Variants in CTBP2 observed in about 807,000 individuals in gnomAD.
CTBP2 encodes C-terminal binding protein 2.
Under a neutral mutation model 80.3 loss-of-function variants are expected in CTBP2, and 30 were observed. That is an observed-to-expected ratio of 0.37 (90% confidence interval 0.28 to 0.51). The LOEUF is 0.51. Among genes scored for constraint, CTBP2 ranks in the 20% least tolerant of loss-of-function variants. The pLI, the probability that CTBP2 is intolerant of heterozygous loss-of-function variation, is 0.93. For synonymous variants in CTBP2, 594 were observed against 587.4 expected (o/e 1.01, Z -0.16); for missense variants, 1,212 against 1,375.3 (o/e 0.88, Z 1.88).
chr10:125,011,443 A>G (rs770333777), intron 1 of CTBP2, among the ~76,000 whole-genome samples: 1 of 152,220 alleles, frequency 6.6e-6, no homozygotes, highest in South Asian at 2.1e-4. Flanking sequence ...CCAGCCAGTC[A>G]GGTGCAGTCT....
chr10:125,135,485 C>A (rs1432039355), intron 1 of CTBP2, among the ~76,000 whole-genome samples: 3 of 152,190 alleles, frequency 2.0e-5, no homozygotes, highest in Admixed American at 1.3e-4. Flanking sequence ...AGGCAGGAAG[C>A]CTCAAGAGGT....
chr10:125,159,925 GC>G (rs1356005816), intron 1 of CTBP2: 1 of 153,696 alleles, frequency 6.5e-6, no homozygotes, highest in Non-Finnish European at 1.4e-5. Context: ...CGCCGCCGCC[GC>G]TGCCCTCCGG....
upstream of CTBP2, among the ~76,000 whole-genome samples, chr10:125,031,830 C>T (rs1283233677): frequency 6.6e-6 from 1 of 152,220 alleles, no homozygotes; most frequent in Non-Finnish European, 1.5e-5. Flanking sequence ...ACGCAACGCG[C>T]CAAAGGAAGT....
chr10:125,002,489 A>G (rs1048418712), intron 3 of CTBP2, among the ~76,000 whole-genome samples: 1 of 152,212 alleles, frequency 6.6e-6, no homozygotes, highest in Non-Finnish European at 1.5e-5. Flanking sequence ...CCTGGACCAC[A>G]TGCTGCTAAG....
Position 125,027,409 on chromosome 10 carries a change from A to G in CTBP2, c.351T>C (p.Ala117=). The change falls in exon 1 of 9, where the codon GCT becomes GCC. Residue 117 remains alanine, a synonymous_variant. Coordinates refer to ENST00000309035, the MANE Select transcript of CTBP2 (RefSeq NM_022802.3). ...GGGGAGGCTCTTTGGGTACCCTAGC[A>G]GCTCCAGACGGATCACTGTAGTACT... is the stretch of plus-strand genomic sequence containing the variant. 1 of 1,613,938 alleles carries G rather than the reference A, an allele frequency of 6.2e-7. No individual in the cohort carries two copies. The highest frequency in any genetic ancestry group is 8.5e-7 in the Non-Finnish European group (1 of 1,179,998).
chr10:125,109,979 C>T (rs550084342), intron 2 of CTBP2, among the ~76,000 whole-genome samples: 1 of 152,370 alleles, frequency 6.6e-6, no homozygotes, highest in African/African-American at 2.4e-5. Context: ...GATCCTACAA[C>T]CCACTGTGCT....
chr10:125,145,582 T>A (rs1189670136), intron 1 of CTBP2, among the ~76,000 whole-genome samples: 1 of 152,114 alleles, frequency 6.6e-6, no homozygotes, highest in Non-Finnish European at 1.5e-5. Context: ...AAACAGCCAC[T>A]CCCTGCTAGG....
In CTBP2 at chr10:124,984,440, CTAAG is replaced by C; in HGVS notation, c.*5074_*5077del. On this transcript the variant is annotated 3_prime_UTR_variant, in exon 9 of 9. Coordinates refer to ENST00000309035, the MANE Select transcript of CTBP2 (RefSeq NM_022802.3). ...ATAATTTCAGCTTGTACATAATTGA[CTAAG>C]TAAACTTACCTTGTCATGTGTTTGA... The C allele has an allele frequency of 8.4e-6, 2 of 237,608 alleles. No individual in the cohort carries two copies. Among genetic ancestry groups the C allele is most frequent in the East Asian group, 9.0e-5 (1 of 11,054 alleles). The allele number at this position is 237,608 out of a possible 1,614,324, so 14.7% of individuals were successfully genotyped here.
At chr10:125,124,831 A>G (rs1854954410) in intron 1 of CTBP2, among the ~76,000 whole-genome samples, 1 of 152,246 alleles carries the variant, frequency 6.6e-6, no homozygotes, top group Non-Finnish European at 1.5e-5. Flanking sequence ...CAGATCTTTT[A>G]AATGTCACAT....
intron 2 of CTBP2, among the ~76,000 whole-genome samples, chr10:125,103,201 T>C (rs1850908376): frequency 6.6e-6 from 1 of 152,116 alleles, no homozygotes; most frequent in African/African-American, 2.4e-5. Context: ...AACCCAGCCT[T>C]CCAGACAGCT....
Position 125,108,179 on chromosome 10 carries a change from G to A in CTBP2, c.-102+2811C>T, listed in dbSNP as rs117159161. 3.2e-4 allele frequency among the ~76,000 whole-genome samples: 49 copies of A among 152,316 alleles called. No individual in the cohort carries two copies. The East Asian group carries it at 5.6e-3, about 17-fold the overall frequency. On this transcript the variant is annotated intron_variant, in intron 2 of 10. Coordinates refer to the CTBP2 transcript ENST00000337195. ...CATGCATCCGATCTAAATTTAGCAC[G>A]TCACTATTCATTACTGAGAGAACGA...
In CTBP2 at chr10:124,985,850, C is replaced by T. The variant is rs1298180268; in HGVS notation, c.*3668G>A. The T allele has an allele frequency of 1.3e-5, 2 of 152,224 alleles. No individual in the cohort carries two copies. The highest frequency in any genetic ancestry group is 2.9e-5 in the Non-Finnish European group (2 of 68,034). The allele number at this position is 152,224 out of a possible 1,614,324, so 9.4% of individuals were successfully genotyped here. ...AATGTGCTCACTTGGACTCCATCAA[C>T]AATGTGCTGCTCCCAGATTGCCATG... On this transcript the variant is annotated 3_prime_UTR_variant, in exon 9 of 9. Coordinates refer to ENST00000309035, the MANE Select transcript of CTBP2 (RefSeq NM_022802.3).
At position 125,098,764 on chromosome 10, in the gene CTBP2, G is replaced by GAGAGAGAGAGAGAGAC. The variant is rs1850132901; in HGVS notation, c.-102+12210_-102+12225dup. ...AGAGAGAGAGACAGAGAGAGAGAGA[G>GAGAGAGAGAGAGAGAC]AGAGAGAGAGAGAGACAGAGAGAGA... On this transcript the variant is annotated intron_variant, in intron 2 of 10. Transcript: ENST00000337195. Among the ~76,000 whole-genome samples the GAGAGAGAGAGAGAGAC allele has an allele frequency of 9.3e-4, 98 of 105,362 alleles. 15 individuals are homozygous for GAGAGAGAGAGAGAGAC. Among genetic ancestry groups the GAGAGAGAGAGAGAGAC allele is most frequent in the African/African-American group, 3.3e-3 (71 of 21,552 alleles). The allele number at this position is 105,362 out of a possible 152,430, so 69.1% of individuals were successfully genotyped here. A position where few individuals can be genotyped will look rare whatever the true frequency, so the allele number is the denominator to read the frequency against.
intron 1 of CTBP2, chr10:125,158,607 G>A (rs1034627209): frequency 3.9e-5 from 6 of 152,248 alleles, no homozygotes; most frequent in South Asian, 4.1e-4. Flanking sequence ...AAGAAAAAAG[G>A]GGGTAAATAC....
chr10:125,099,821 G>A (rs972001245), intron 2 of CTBP2, among the ~76,000 whole-genome samples: 3 of 152,176 alleles, frequency 2.0e-5, no homozygotes, highest in Non-Finnish European at 4.4e-5. Flanking sequence ...AGTAGGGATG[G>A]GGGTGATAGA....
intron 1 of CTBP2, among the ~76,000 whole-genome samples, chr10:125,127,517 C>T (rs1290634339): frequency 6.6e-6 from 1 of 152,182 alleles, no homozygotes; most frequent in African/African-American, 2.4e-5. Context: ...CCAATTGGCT[C>T]GGTGTTTGGT....
chr10:125,080,667 C>CA (rs1261517200), intron 2 of CTBP2, among the ~76,000 whole-genome samples: 4 of 152,200 alleles, frequency 2.6e-5, no homozygotes, highest in African/African-American at 7.2e-5. Context: ...TCCATGCATA[C>CA]AGCAGCTGAA....
At chr10:125,017,137 C>T (rs1261016922) in intron 1 of CTBP2, among the ~76,000 whole-genome samples, 1 of 152,212 alleles carries the variant, frequency 6.6e-6, no homozygotes, top group Admixed American at 6.5e-5. Context: ...TGACTGTATC[C>T]AGCCAAAGTG....
chr10:125,039,289 A>G (rs574102162), intron 2 of CTBP2, 134 bp from the exon 3 acceptor site: 2 of 435,080 alleles, frequency 4.6e-6, no homozygotes. Flanking sequence ...TCTTTTCCCA[A>G]AGCACTGGGA....
Sources: gnomAD v4.1 joint callset for allele counts (sites outside exome capture counted in the v4.1 genomes callset) on GRCh38, gnomAD v4.1.1 for gene constraint, MANE v1.5 for transcripts, NCBI Gene and HGNC (gene_info 2026-07-23, HGNC 2026-07-21) for gene names.